Variants in PTPRM observed in about 807,000 individuals in gnomAD.
PTPRM encodes the protein receptor-type tyrosine-protein phosphatase mu.
A neutral mutation model predicts 186.7 loss-of-function variants in PTPRM; 47 were observed. The observed-to-expected ratio is 0.25, with a 90% CI of 0.20 to 0.32. PTPRM has a LOEUF of 0.32. Ranked by LOEUF, PTPRM falls within the 10% of genes least tolerant of loss-of-function variation. The pLI is 1.00. For missense variants in PTPRM, 1,494 were observed against 1,865.0 expected (o/e 0.80, Z 3.66); for synonymous variants, 668 against 674.9 (o/e 0.99, Z 0.16).
chr18:7,764,966 G>A (rs1294785391), intron 1 of PTPRM, among the ~76,000 whole-genome samples: 1 of 152,180 alleles, frequency 6.6e-6, no homozygotes, highest in Non-Finnish European at 1.5e-5. Context: ...TCACATTTAT[G>A]CAGGGAATTC....
At chr18:7,695,994 A>G (rs2039835617) in intron 1 of PTPRM, among the ~76,000 whole-genome samples, 1 of 152,206 alleles carries the variant, frequency 6.6e-6, no homozygotes, top group Non-Finnish European at 1.5e-5. Context: ...TCAATATTCT[A>G]GTGTCAGAAA....
At chr18:7,975,497 TATGGTA>T (rs1376270061) in intron 7 of PTPRM, among the ~76,000 whole-genome samples, 4 of 152,144 alleles carry the variant, frequency 2.6e-5, no homozygotes, top group African/African-American at 9.7e-5. Context: ...AAGATGCCAA[TATGGTA>T]ATGCTACATA....
chr18:7,862,426 A>G (rs1401995333), intron 2 of PTPRM, among the ~76,000 whole-genome samples: 1 of 152,196 alleles, frequency 6.6e-6, no homozygotes, highest in Non-Finnish European at 1.5e-5. Context: ...AAATATGAAT[A>G]CCACATTCAG....
chr18:8,069,619 T>C, intron 7 of PTPRM, 67 bp from the exon 8 acceptor site: 1 of 1,383,554 alleles, frequency 7.2e-7, no homozygotes. Context: ...TCTGTGACCT[T>C]TGGGATTGAC....
In PTPRM at chr18:8,319,264, C is replaced by G. The variant is rs761601216; in HGVS notation, c.2956+50C>G. The G allele has an allele frequency of 4.0e-5, 56 of 1,394,266 alleles. No homozygotes were observed. In the East Asian group the frequency reaches 1.3e-3, roughly 31 times the overall value. 86.4% of individuals were successfully genotyped at this position (1,394,266 alleles called of 1,614,324 possible). ...CTTTCTTTGTTTCTTTTGCCCACTT[C>G]CTATCATTTTGTACCCACTTCACCC... On this transcript the variant is annotated intron_variant, in intron 22 of 32. Coordinates refer to ENST00000580170, the MANE Select transcript of PTPRM (RefSeq NM_001105244.2).
At chr18:8,251,411 G>C (rs1568604691) in intron 17 of PTPRM, among the ~76,000 whole-genome samples, 1 of 152,174 alleles carries the variant, frequency 6.6e-6, no homozygotes. Context: ...CAAGGGATTC[G>C]GTACTTCAGC....
chr18:8,310,614 T>G (rs1275724040), intron 20 of PTPRM, among the ~76,000 whole-genome samples: 4 of 151,936 alleles, frequency 2.6e-5, no homozygotes, highest in African/African-American at 9.7e-5. Flanking sequence ...GGGAATTGTT[T>G]GCTAGCTCTT....
At chr18:7,790,554 T>G (rs1472486799) in intron 2 of PTPRM, among the ~76,000 whole-genome samples, 1 of 152,250 alleles carries the variant, frequency 6.6e-6, no homozygotes, top group Non-Finnish European at 1.5e-5. Context: ...TGAAAGGGTC[T>G]TCTGATTCAA....
intron 2 of PTPRM, among the ~76,000 whole-genome samples, chr18:7,849,608 G>C (rs1225962981): frequency 6.6e-6 from 1 of 152,212 alleles, no homozygotes; most frequent in Admixed American, 6.5e-5. Flanking sequence ...GATTGGAATT[G>C]GGCTGTCTGT....
At chr18:7,580,153 G>A (rs983027662) in intron 1 of PTPRM, among the ~76,000 whole-genome samples, 1 of 152,206 alleles carries the variant, frequency 6.6e-6, no homozygotes, top group Non-Finnish European at 1.5e-5. Context: ...ATCTTAAAGA[G>A]TATGAGGATT....
intron 4 of PTPRM, among the ~76,000 whole-genome samples, chr18:7,916,611 C>CT (rs1477114268): frequency 1.3e-5 from 2 of 151,892 alleles, no homozygotes; most frequent in African/African-American, 4.8e-5. Flanking sequence ...GAGTCCTTTT[C>CT]TTTTTTAAAA....
chr18:7,784,325 C>A (rs1045870083), intron 2 of PTPRM, among the ~76,000 whole-genome samples: 1 of 152,042 alleles, frequency 6.6e-6, no homozygotes, highest in African/African-American at 2.4e-5. Context: ...GTCAAGAGGC[C>A]GGAGGGGAAA....
intron 3 of PTPRM, among the ~76,000 whole-genome samples, chr18:7,898,327 C>G (rs2049476664): frequency 6.6e-6 from 1 of 152,182 alleles, no homozygotes; most frequent in Non-Finnish European, 1.5e-5. Context: ...CTTCCACCAG[C>G]ACATTTTCCT....
chr18:8,273,241 T>C (rs2094793742), intron 19 of PTPRM, among the ~76,000 whole-genome samples: 1 of 152,210 alleles, frequency 6.6e-6, no homozygotes, highest in South Asian at 2.1e-4. Context: ...TAAGAGATGT[T>C]TCTTCCATTT....
intron 1 of PTPRM, among the ~76,000 whole-genome samples, chr18:7,715,085 G>A (rs1254958822): frequency 6.6e-6 from 1 of 152,184 alleles, no homozygotes; most frequent in Non-Finnish European, 1.5e-5. Context: ...TATGCCTGAT[G>A]AACATCGATG....
intron 1 of PTPRM, among the ~76,000 whole-genome samples, chr18:7,627,530 G>A (rs1322154970): frequency 6.6e-6 from 1 of 152,124 alleles, no homozygotes; most frequent in Non-Finnish European, 1.5e-5. Flanking sequence ...CTGGGCCTTA[G>A]GGTACATGGA....
intron 5 of PTPRM, among the ~76,000 whole-genome samples, chr18:7,942,078 T>C (rs1438081606): frequency 6.6e-6 from 1 of 152,058 alleles, no homozygotes; most frequent in Non-Finnish European, 1.5e-5. Context: ...AGTTCAGGAT[T>C]TCGAGACCAG....
chr18:8,032,851 A>G (rs935163085), intron 7 of PTPRM, among the ~76,000 whole-genome samples: 5 of 152,164 alleles, frequency 3.3e-5, no homozygotes, highest in Non-Finnish European at 5.9e-5. Context: ...TGGAAAAAAA[A>G]TACAGTTAGA....
chr18:8,383,521 C>T (rs1338425668), intron 29 of PTPRM, among the ~76,000 whole-genome samples: 1 of 152,016 alleles, frequency 6.6e-6, no homozygotes, highest in African/African-American at 2.4e-5. Flanking sequence ...TAAGCACCTT[C>T]ATAAGCCACC....
Sources: allele counts gnomAD v4.1 joint callset (sites outside exome capture counted in the v4.1 genomes callset), GRCh38; gene constraint gnomAD v4.1.1; transcripts MANE v1.5; gene names NCBI Gene and HGNC (gene_info 2026-07-23, HGNC 2026-07-21).